Variants in ZNF362 observed in about 807,000 individuals in gnomAD.
ZNF362 encodes the protein zinc finger protein 362, also known as rotund homolog.
Under a neutral mutation model 42.9 loss-of-function variants are expected in ZNF362, and 11 were observed. The observed-to-expected ratio is 0.26, with a 90% CI of 0.16 to 0.42. The LOEUF (loss-of-function observed/expected upper bound fraction) is 0.42, where lower values mean the gene tolerates loss of function less well. Ranked by LOEUF, ZNF362 falls within the 20% of genes least tolerant of loss-of-function variation. ZNF362 has a pLI of 1.00. For missense variants in ZNF362, 362 were observed against 576.2 expected (o/e 0.63, Z 3.81); for synonymous variants, 255 against 257.3 (o/e 0.99, Z 0.09).
chr1:33,248,760 G>C, the ZNF362 span, among the ~76,000 whole-genome samples: 1 of 152,154 alleles, frequency 6.6e-6, no homozygotes, highest in Admixed American at 6.5e-5. Context: ...TTATTTTACT[G>C]AGATTGAAGG....
intron 6 of ZNF362, among the ~76,000 whole-genome samples, chr1:33,291,673 G>A (rs1022306642): frequency 6.6e-6 from 1 of 152,136 alleles, no homozygotes; most frequent in African/African-American, 2.4e-5. Flanking sequence ...CCATTTTCAC[G>A]ATACTGATTC....
the ZNF362 span, among the ~76,000 whole-genome samples, chr1:33,236,550 A>AAAAAAATATATATATATATATATATAT: frequency 3.3e-4 from 2 of 5,978 alleles, no homozygotes; most frequent in Admixed American, 4.2e-3. Flanking sequence ...AAAAAAAAAA[A>AAAAAAATATATATATATATATATATAT]ATATATATAT....
At chr1:33,163,085 C>T in the ZNF362 span, 2 of 152,054 alleles carry the variant, frequency 1.3e-5, no homozygotes, top group Non-Finnish European at 2.9e-5. Flanking sequence ...GTTGCCCAGG[C>T]TGGGGTGCAG....
At chr1:33,150,969 CCAG>C in the ZNF362 span, among the ~76,000 whole-genome samples, 2 of 152,102 alleles carry the variant, frequency 1.3e-5, no homozygotes, top group Non-Finnish European at 2.9e-5. Flanking sequence ...TGATTTGAGA[CCAG>C]CAACAGGCAG....
the ZNF362 span, among the ~76,000 whole-genome samples, chr1:33,171,927 G>A: frequency 1.3e-5 from 2 of 152,056 alleles, no homozygotes; most frequent in East Asian, 1.9e-4. Context: ...GATTATAGGC[G>A]CCCGACACCA....
chr1:33,186,400 G>A, the ZNF362 span, among the ~76,000 whole-genome samples: 1 of 152,032 alleles, frequency 6.6e-6, no homozygotes, highest in African/African-American at 2.4e-5. Context: ...AAATACGTGT[G>A]CTTGATAAGC....
chr1:33,189,718 T>TATATATATAC, the ZNF362 span, among the ~76,000 whole-genome samples: 12 of 125,798 alleles, frequency 9.5e-5, no homozygotes, highest in African/African-American at 2.5e-4. Context: ...CGTATATATA[T>TATATATATAC]ACATACACAC....
the ZNF362 span, among the ~76,000 whole-genome samples, chr1:33,133,231 G>A: frequency 1.3e-5 from 2 of 152,236 alleles, no homozygotes; most frequent in African/African-American, 4.8e-5. Flanking sequence ...GAGGCTGTGA[G>A]GCCAAAGACA....
chr1:33,164,281 T>A, the ZNF362 span: 2 of 152,286 alleles, frequency 1.3e-5, no homozygotes, highest in Non-Finnish European at 2.9e-5. Context: ...GGGTTTCCAA[T>A]GGTGTCTTCA....
the ZNF362 span, among the ~76,000 whole-genome samples, chr1:33,236,225 C>T: frequency 1.3e-5 from 2 of 151,928 alleles, no homozygotes; most frequent in Non-Finnish European, 2.9e-5. Context: ...CATCACCCAG[C>T]ACACACATAA....
At chr1:33,218,978 C>CACACACACACACACAT in the ZNF362 span, among the ~76,000 whole-genome samples, 929 of 134,382 alleles carry the variant, frequency 6.9e-3, 21 homozygotes, top group Middle Eastern at 0.015. Flanking sequence ...CACACACACA[C>CACACACACACACACAT]ACATACACCA....
At chr1:33,163,579 C>G in the ZNF362 span, 1 of 152,250 alleles carries the variant, frequency 6.6e-6, no homozygotes, top group East Asian at 1.9e-4. Flanking sequence ...AGCTCTGTGG[C>G]TGGGGAAACA....
chr1:33,176,187 G>A, the ZNF362 span, among the ~76,000 whole-genome samples: 2 of 152,208 alleles, frequency 1.3e-5, no homozygotes, highest in Admixed American at 6.5e-5. Flanking sequence ...ACAAAATAAA[G>A]TGCCTCTGAA....
chr1:33,255,044 C>T (rs1380259672), upstream of ZNF362, among the ~76,000 whole-genome samples: 1 of 152,054 alleles, frequency 6.6e-6, no homozygotes, highest in African/African-American at 2.4e-5. Context: ...TGTGCTCTCC[C>T]GCCATGCTTT....
the ZNF362 span, among the ~76,000 whole-genome samples, chr1:33,153,848 C>T: frequency 2.1e-4 from 32 of 152,318 alleles, no homozygotes; most frequent in South Asian, 6.2e-4. Context: ...ATGCATTTAT[C>T]GACAAACATT....
At chr1:33,188,397 A>T in the ZNF362 span, among the ~76,000 whole-genome samples, 1 of 152,162 alleles carries the variant, frequency 6.6e-6, no homozygotes, top group African/African-American at 2.4e-5. Context: ...TCATGTGCTC[A>T]CTTTCTCCAT....
the ZNF362 span, among the ~76,000 whole-genome samples, chr1:33,190,739 G>T: frequency 6.6e-6 from 1 of 152,172 alleles, no homozygotes; most frequent in African/African-American, 2.4e-5. Flanking sequence ...TAGTGCTGGG[G>T]CTGGGGTTCA....
chr1:33,207,958 T>A, the ZNF362 span, among the ~76,000 whole-genome samples: 2 of 152,030 alleles, frequency 1.3e-5, no homozygotes, highest in Non-Finnish European at 2.9e-5. Flanking sequence ...TAACTAGTCC[T>A]CATTTGTCTA....
chr1:33,236,572 T>TATATATATATATAC, the ZNF362 span, among the ~76,000 whole-genome samples: 1 of 98,700 alleles, frequency 1.0e-5, no homozygotes, highest in Admixed American at 1.3e-4. Flanking sequence ...TATATATATA[T>TATATATATATATAC]ACATACACAC....
Sources: gnomAD v4.1 joint callset for allele counts (sites outside exome capture counted in the v4.1 genomes callset) on GRCh38, gnomAD v4.1.1 for gene constraint, MANE v1.5 for transcripts, NCBI Gene and HGNC (gene_info 2026-07-23, HGNC 2026-07-21) for gene names.